The following CDH18 variants were observed in gnomAD, a reference collection of about 807,000 sequenced individuals.
CDH18 encodes the protein cadherin 18.
A neutral mutation model predicts 67.9 loss-of-function variants in CDH18; 31 were observed. The observed-to-expected ratio is 0.46, with a 90% confidence interval of 0.34 to 0.62. The LOEUF (loss-of-function observed/expected upper bound fraction) is 0.62. Among genes scored for constraint, CDH18 ranks in the 20% least tolerant of loss-of-function variants. CDH18 has a pLI of 0.01. For synonymous variants in CDH18, 362 were observed against 347.2 expected (o/e 1.04, Z -0.48); for missense variants, 890 against 975.5 (o/e 0.91, Z 1.17).
intron 5 of CDH18, among the ~76,000 whole-genome samples, chr5:19,690,795 C>G (rs1266734812): frequency 6.6e-6 from 1 of 151,684 alleles, no homozygotes; most frequent in African/African-American, 2.4e-5. Flanking sequence ...AAAAAAGCCT[C>G]AAAAGAGAGA....
intron 1 of CDH18, among the ~76,000 whole-genome samples, chr5:20,569,092 A>C (rs556378010): frequency 6.6e-6 from 1 of 152,310 alleles, no homozygotes; most frequent in East Asian, 1.9e-4. Flanking sequence ...TGCTGCTTTC[A>C]ATGAGTAGGC....
At chr5:19,948,953 G>T (rs79178150) in intron 2 of CDH18, among the ~76,000 whole-genome samples, 1 of 152,136 alleles carries the variant, frequency 6.6e-6, no homozygotes, top group Non-Finnish European at 1.5e-5. Flanking sequence ...AGCCAAGACT[G>T]CTTTTTTTCA....
chr5:20,075,643 A>G (rs1361910221), intron 2 of CDH18, among the ~76,000 whole-genome samples: 1 of 152,222 alleles, frequency 6.6e-6, no homozygotes, highest in Non-Finnish European at 1.5e-5. Flanking sequence ...CATAGTTTTC[A>G]AAATTTATTT....
chr5:20,468,115 A>G (rs959707147), intron 1 of CDH18, among the ~76,000 whole-genome samples: 2 of 151,954 alleles, frequency 1.3e-5, no homozygotes, highest in African/African-American at 4.8e-5. Context: ...GTCAGGTTCA[A>G]GTGAATCTCC....
At chr5:19,489,329 C>G (rs1241434413) in intron 11 of CDH18, among the ~76,000 whole-genome samples, 8 of 149,176 alleles carry the variant, frequency 5.4e-5, no homozygotes, top group South Asian at 4.2e-4. Flanking sequence ...CTCACTGCAA[C>G]CTCCACCTCC....
chr5:19,665,847 G>C (rs1402269310), intron 5 of CDH18, among the ~76,000 whole-genome samples: 4 of 151,978 alleles, frequency 2.6e-5, no homozygotes, highest in African/African-American at 9.7e-5. Context: ...TAATAACACA[G>C]AACTTTAGAT....
chr5:20,223,970 A>C (rs964398784), intron 2 of CDH18, among the ~76,000 whole-genome samples: 1 of 152,192 alleles, frequency 6.6e-6, no homozygotes, highest in African/African-American at 2.4e-5. Flanking sequence ...TATGTTAACA[A>C]AATTTGTATT....
chr5:19,491,910 AT>A (rs1181325694), intron 11 of CDH18, among the ~76,000 whole-genome samples: 6 of 152,072 alleles, frequency 3.9e-5, no homozygotes, highest in Admixed American at 3.9e-4. Context: ...AAAAAAATTA[AT>A]TTCCAGTGCA....
intron 1 of CDH18, among the ~76,000 whole-genome samples, chr5:20,542,501 T>A (rs1757106858): frequency 6.6e-6 from 1 of 151,602 alleles, no homozygotes; most frequent in Non-Finnish European, 1.5e-5. Flanking sequence ...ATTGTGTGTA[T>A]ATATATTGTG....
chr5:20,226,905 G>A (rs556913954), intron 2 of CDH18, among the ~76,000 whole-genome samples: 1 of 151,986 alleles, frequency 6.6e-6, no homozygotes, highest in Non-Finnish European at 1.5e-5. Context: ...AGCTCGAAAT[G>A]ACTAAATTCG....
rs1736310878 is a variant in CDH18, at chr5:20,305,176, T to C, written c.-579-49671A>G. 7.7e-6 allele frequency: 11 copies of C among 1,426,840 alleles called. 1 individual carries two copies. In the South Asian group the frequency reaches 1.1e-4, roughly 15 times the overall value. The allele number at this position is 1,426,840 out of a possible 1,614,324, so 88.4% of individuals were successfully genotyped here. A position where few individuals can be genotyped will look rare whatever the true frequency, so the allele number is the denominator to read the frequency against. On this transcript the variant is annotated intron_variant, in intron 1 of 14. Coordinates refer to the CDH18 transcript ENST00000507958. Reference sequence around the variant, plus strand: ...GGTGAAGGGAGGGGCGCTGGTTATGTTGTTTCCATTCGACAGTCCTTCCAA... The same window carrying C: ...GGTGAAGGGAGGGGCGCTGGTTATGCTGTTTCCATTCGACAGTCCTTCCAA...
chr5:19,776,485 AAG>A (rs1774397173), intron 3 of CDH18, among the ~76,000 whole-genome samples: 3 of 152,186 alleles, frequency 2.0e-5, no homozygotes, highest in African/African-American at 7.2e-5. Context: ...GATGGAAAGA[AAG>A]AGGGATGAAT....
chr5:20,340,223 A>C (rs1740141886), intron 1 of CDH18, among the ~76,000 whole-genome samples: 1 of 152,210 alleles, frequency 6.6e-6, no homozygotes, highest in Admixed American at 6.5e-5. Flanking sequence ...AACAAATATG[A>C]AAGGACAAGT....
chr5:19,955,390 AAAG>A, intron 2 of CDH18, among the ~76,000 whole-genome samples: 1 of 152,266 alleles, frequency 6.6e-6, no homozygotes, highest in South Asian at 2.1e-4. Flanking sequence ...AAAAGCAAAA[AAAG>A]AACTAAATGC....
chr5:19,676,233 T>C (rs1273372892), intron 5 of CDH18, among the ~76,000 whole-genome samples: 2 of 152,042 alleles, frequency 1.3e-5, no homozygotes, highest in Non-Finnish European at 2.9e-5. Flanking sequence ...TTGGCATCCC[T>C]GAAAGAGCAG....
intron 5 of CDH18, among the ~76,000 whole-genome samples, chr5:19,634,230 G>A (rs1391326846): frequency 6.6e-6 from 1 of 152,098 alleles, no homozygotes; most frequent in East Asian, 1.9e-4. Context: ...ATATTTTGAT[G>A]AATAACAACG....
At chr5:20,274,415 A>T (rs1421154760) in intron 1 of CDH18, among the ~76,000 whole-genome samples, 1 of 152,118 alleles carries the variant, frequency 6.6e-6, no homozygotes, top group East Asian at 1.9e-4. Flanking sequence ...TTTATATAAA[A>T]TTTTCAGAAG....
At chr5:20,227,079 C>T (rs1440561829) in intron 2 of CDH18, among the ~76,000 whole-genome samples, 1 of 152,070 alleles carries the variant, frequency 6.6e-6, no homozygotes, top group Non-Finnish European at 1.5e-5. Flanking sequence ...AATCACATTG[C>T]ACAGTTGGTG....
chr5:19,635,528 T>G (rs537387640), intron 5 of CDH18, among the ~76,000 whole-genome samples: 1 of 152,316 alleles, frequency 6.6e-6, no homozygotes, highest in South Asian at 2.1e-4. Flanking sequence ...AAGTCATCTT[T>G]GGTAGTTGCA....
Sources: gnomAD v4.1 joint callset for allele counts (sites outside exome capture counted in the v4.1 genomes callset) on GRCh38, gnomAD v4.1.1 for gene constraint, MANE v1.5 for transcripts, NCBI Gene and HGNC (gene_info 2026-07-23, HGNC 2026-07-21) for gene names.